The following DST variants were observed in gnomAD, a reference collection of about 807,000 sequenced individuals.
The protein encoded by DST is dystonin, also known as bullous pemphigoid antigen.
A neutral mutation model predicts 875.2 loss-of-function variants in DST; 253 were observed. The ratio of observed to expected loss-of-function variants is 0.29; its 90% CI spans 0.26 to 0.32. The LOEUF (loss-of-function observed/expected upper bound fraction) is 0.32. Ranked by LOEUF, DST falls within the 10% of genes least tolerant of loss-of-function variation. DST has a pLI of 1.00. For synonymous variants in DST, 3,124 were observed against 3,197.1 expected (o/e 0.98, Z 0.77); for missense variants, 8,287 against 9,111.6 (o/e 0.91, Z 3.68).
At chr6:56,727,578 G>T (rs573351557) in intron 5 of DST, among the ~76,000 whole-genome samples, 1 of 152,238 alleles carries the variant, frequency 6.6e-6, no homozygotes, top group South Asian at 2.1e-4. Context: ...ATGCTGCTTG[G>T]CTTCTTTGCA....
intron 5 of DST, among the ~76,000 whole-genome samples, chr6:56,731,288 C>T (rs1051994661): frequency 6.6e-6 from 1 of 152,206 alleles, no homozygotes; most frequent in Non-Finnish European, 1.5e-5. Context: ...AACAGGGTCA[C>T]ACCACGTTAC....
chr6:56,623,148 A>G (rs906341733), intron 36 of DST, among the ~76,000 whole-genome samples: 5 of 152,184 alleles, frequency 3.3e-5, no homozygotes, highest in African/African-American at 7.2e-5. Flanking sequence ...ATTTTTAAGG[A>G]CAATAATAAC....
intron 9 of DST, among the ~76,000 whole-genome samples, chr6:56,680,504 G>A (rs937997530): frequency 6.6e-6 from 1 of 152,164 alleles, no homozygotes. Context: ...AAACACCATG[G>A]AGAAGAGCTC....
At chr6:56,704,237 G>T (rs1488936790) in intron 6 of DST, 43 bp downstream of exon 6, 3 of 1,049,172 alleles carry the variant, frequency 2.9e-6, no homozygotes, top group South Asian at 1.5e-5. Flanking sequence ...ATGCAGAAAA[G>T]ATTACACGTT....
intron 52 of DST, 143 bp from the exon 53 acceptor site, chr6:56,572,409 T>G: frequency 1.8e-6 from 1 of 541,114 alleles, no homozygotes; most frequent in Non-Finnish European, 3.1e-6. Context: ...GTATTCTAAA[T>G]ATAATAAACA....
rs568004530 is a variant in DST, at chr6:56,808,282, G to A, written c.625+43115C>T. The stretch of plus-strand genomic sequence containing the variant: ...AAAAAAAAACCAACTGAGATTGTCC[G>A]TGCTGCTACTTTTTTCTCAAAAATA... On this transcript the variant is annotated intron_variant, in intron 4 of 103. Transcript: ENST00000680361. Among the ~76,000 whole-genome samples, 19 of 151,342 alleles carry A rather than the reference G, an allele frequency of 1.3e-4. No individual in the cohort carries two copies. The East Asian group carries it at 1.4e-3, about 11-fold the overall frequency.
intron 9 of DST, among the ~76,000 whole-genome samples, chr6:56,671,781 T>A (rs1449536374): frequency 1.3e-5 from 2 of 152,224 alleles, no homozygotes; most frequent in Non-Finnish European, 2.9e-5. Context: ...AGAATCAGAA[T>A]GAGCAAGTCA....
chr6:56,526,671 T>C, intron 68 of DST, 104 bp from the exon 69 acceptor site: 1 of 977,520 alleles, frequency 1.0e-6, no homozygotes, highest in Non-Finnish European at 1.5e-6. Flanking sequence ...ATGTGATGCT[T>C]TGCCCCACTC....
At chr6:56,885,225 C>T (rs993723382) in intron 3 of DST, among the ~76,000 whole-genome samples, 1 of 152,152 alleles carries the variant, frequency 6.6e-6, no homozygotes, top group Non-Finnish European at 1.5e-5. Flanking sequence ...TTCCTCACAC[C>T]CCCAGCCCTA....
intron 55 of DST, among the ~76,000 whole-genome samples, chr6:56,562,560 C>G (rs1200248734): frequency 6.7e-6 from 1 of 150,290 alleles, no homozygotes; most frequent in Non-Finnish European, 1.5e-5. Context: ...GTAAGTGGAG[C>G]TTTAGTTTTT....
intron 78 of DST, among the ~76,000 whole-genome samples, chr6:56,502,652 A>C (rs2096173368): frequency 6.6e-6 from 1 of 152,104 alleles, no homozygotes; most frequent in Non-Finnish European, 1.5e-5. Context: ...ATACGAAAAT[A>C]ACCAAAATAA....
At chr6:56,755,559 C>T (rs2099600082) in intron 4 of DST, among the ~76,000 whole-genome samples, 1 of 152,154 alleles carries the variant, frequency 6.6e-6, no homozygotes, top group African/African-American at 2.4e-5. Flanking sequence ...TATCACTGAT[C>T]TCGTAATCAA....
chr6:56,898,263 A>G (rs1792393817), intron 3 of DST, among the ~76,000 whole-genome samples: 1 of 152,220 alleles, frequency 6.6e-6, no homozygotes, highest in Non-Finnish European at 1.5e-5. Context: ...GACCTATCCG[A>G]GCATGAGTCA....
chr6:56,841,883 C>A (rs565372686), intron 4 of DST, among the ~76,000 whole-genome samples: 18 of 152,090 alleles, frequency 1.2e-4, no homozygotes, highest in African/African-American at 4.1e-4. Flanking sequence ...TGTGCTTTAG[C>A]CTAAAATATC....
At chr6:56,862,765 C>T (rs575964268) in intron 3 of DST, among the ~76,000 whole-genome samples, 1 of 152,074 alleles carries the variant, frequency 6.6e-6, no homozygotes, top group African/African-American at 2.4e-5. Context: ...ATTTGAGAAA[C>T]ATTTAGAGAC....
intron 4 of DST, among the ~76,000 whole-genome samples, chr6:56,813,846 T>C (rs1171434716): frequency 6.6e-6 from 1 of 152,176 alleles, no homozygotes. Context: ...TAGAGTTTCA[T>C]TATGATGCTG....
At chr6:56,525,397 T>C (rs2096779888) in intron 69 of DST, among the ~76,000 whole-genome samples, 2 of 152,212 alleles carry the variant, frequency 1.3e-5, no homozygotes, top group Admixed American at 6.5e-5. Context: ...GCCAGGGCTT[T>C]TGCTATCACT....
At chr6:56,826,073 A>G (rs1292371616) in intron 4 of DST, among the ~76,000 whole-genome samples, 1 of 152,262 alleles carries the variant, frequency 6.6e-6, no homozygotes, top group Non-Finnish European at 1.5e-5. Context: ...TTAGGGACCA[A>G]TATTACACAT....
chr6:56,578,546 C>T (rs1488375501), intron 50 of DST, among the ~76,000 whole-genome samples: 1 of 152,120 alleles, frequency 6.6e-6, no homozygotes, highest in Non-Finnish European at 1.5e-5. Context: ...CTGTGGTGGA[C>T]ATTACATAGC....
Sources: allele counts gnomAD v4.1 joint callset (sites outside exome capture counted in the v4.1 genomes callset), GRCh38; gene constraint gnomAD v4.1.1; transcripts MANE v1.5; gene names NCBI Gene and HGNC (gene_info 2026-07-23, HGNC 2026-07-21).